Variants in CD27 observed in about 807,000 individuals in gnomAD.
CD27 encodes CD27 antigen.
CD27 carries 16 observed loss-of-function variants against 25.9 expected under a neutral mutation model. That is an observed-to-expected ratio of 0.62 (90% CI 0.42 to 0.94). The LOEUF is 0.94. CD27 is among the 40% of genes least tolerant of loss of function. The pLI is 0.00. For synonymous variants in CD27, 142 were observed against 124.3 expected (o/e 1.14, Z -0.95); for missense variants, 300 against 333.2 (o/e 0.90, Z 0.78).
In CD27 at chr12:6,450,253, T is replaced by C. The variant is rs200353714; in HGVS notation, c.349T>C (p.Cys117Arg). The change falls in exon 3 of 6, where the codon TGC (cysteine) becomes CGC (arginine). Residue 117 changes from cysteine (C) to arginine (R), a missense_variant. Physicochemically the swap from Cys to Arg is radical, Grantham distance 180 (BLOSUM62 -3). Transcript: ENST00000266557. The surrounding 1 kb of genome is among the most constrained non-coding windows in gnomAD (Gnocchi z 4.1). ...RNGWQCRDKE[C>R]TECDPLPNPS... The stretch of plus-strand genomic sequence containing the variant: ...TGGCTGGCAGTGCAGGGACAAGGAG[T>C]GCACCGAGTGTGATCCTCTTCCAAA... The C allele has an allele frequency of 1.2e-6, 2 of 1,613,772 alleles. No individual in the cohort carries two copies. Among genetic ancestry groups the C allele is most frequent in the Non-Finnish European group, 1.7e-6 (2 of 1,179,962 alleles).
rs1156655592 is a variant in CD27 at position 6,445,769 on chromosome 12, A to G, written c.268+214A>G. ...ACATCTAGTATTCCAGGAAAGGGAT[A>G]AATAGAATTTGAGGGATTGGTGAGA... On this transcript the variant is annotated intron_variant, in intron 2 of 5. Transcript: ENST00000266557. This position sits in a 1 kb window ranked among gnomAD's most constrained non-coding sequence, Gnocchi z 4.5. Among the ~76,000 whole-genome samples, 1 of 152,112 alleles carries G rather than the reference A, an allele frequency of 6.6e-6. No homozygotes were observed. Among genetic ancestry groups the G allele is most frequent in the Admixed American group, 6.6e-5 (1 of 15,250 alleles).
chr12:6,451,239 G>A, intron 5 of CD27, 29 bp from the exon 6 acceptor site: 1 of 1,611,478 alleles, frequency 6.2e-7, no homozygotes, highest in Non-Finnish European at 8.5e-7. Flanking sequence ...CCCACTGCTG[G>A]CCAAGACTCA....
chr12:6,449,114 G>C (rs886503152), intron 2 of CD27, among the ~76,000 whole-genome samples: 1 of 149,762 alleles, frequency 6.7e-6, no homozygotes, highest in Non-Finnish European at 1.5e-5. Flanking sequence ...TCCCACCTCA[G>C]CCTCCCCAGT....
chr12:6,451,127 C>G, intron 5 of CD27, 113 bp downstream of exon 5: 1 of 1,555,092 alleles, frequency 6.4e-7, no homozygotes, highest in South Asian at 1.2e-5. Flanking sequence ...ACTTCACCAG[C>G]CTTGGTCCTA....
At chr12:6,443,999 G>T (rs1306861046), upstream of CD27, among the ~76,000 whole-genome samples, 1 of 152,160 alleles carries the variant, frequency 6.6e-6, no homozygotes, top group East Asian at 1.9e-4. Flanking sequence ...CTTGCTGGGA[G>T]AACTGGGAAA....
At chr12:6,449,321 T>TTTA (rs1949475774) in intron 2 of CD27, among the ~76,000 whole-genome samples, 1 of 147,248 alleles carries the variant, frequency 6.8e-6, no homozygotes, top group Admixed American at 6.7e-5. Context: ...TTTTCTTTTT[T>TTTA]TTTTTTTTTT....
In CD27 at chr12:6,451,620, C is replaced by A; in HGVS notation, c.*228C>A. 1 of 504,498 alleles carries A rather than the reference C, an allele frequency of 2.0e-6. No homozygotes were observed. The highest frequency in any genetic ancestry group is 3.5e-6 in the Non-Finnish European group (1 of 286,208). 31.3% of individuals were successfully genotyped at this position (504,498 alleles called of 1,614,324 possible). A position where few individuals can be genotyped will look rare whatever the true frequency, so the allele number is the denominator to read the frequency against. On this transcript the variant is annotated 3_prime_UTR_variant, in exon 6 of 6. Transcript: ENST00000266557. ...AGCCCAGCCAGCTGCGCCTGCGCTGCAGGAGGGCGGGGGCTCTGGTTGTAA... is the reference window on the plus strand; with the variant it reads ...AGCCCAGCCAGCTGCGCCTGCGCTGAAGGAGGGCGGGGGCTCTGGTTGTAA...
Position 6,450,989 on chromosome 12 carries a change from C to T in CD27, c.633C>T (p.Leu211=), listed in dbSNP as rs752363527. The T allele has an allele frequency of 3.1e-6, 5 of 1,614,088 alleles. No individual in the cohort carries two copies. Among genetic ancestry groups the T allele is most frequent in the Non-Finnish European group, 8.5e-7 (1 of 1,179,976 alleles). The change falls in exon 5 of 6, where the codon CTC becomes CTT. Residue 211 remains leucine (L), a synonymous_variant. Coordinates refer to ENST00000266557, the MANE Select transcript of CD27 (RefSeq NM_001242.5). The surrounding 1 kb of genome is among the most constrained non-coding windows in gnomAD (Gnocchi z 4.1). ...LVFTLAGALF[L]HQRRKYRSNK... is the part of the protein sequence containing the mutation. ...TCACCCTGGCCGGGGCCCTGTTCCT[C>T]CATCAACGAAGGAAATATAGATCAA...
chr12:6,450,825 A>G lies in CD27; in HGVS notation c.539-70A>G. 2 of 1,599,682 alleles carry G rather than the reference A, an allele frequency of 1.3e-6. No individual in the cohort carries two copies. Among genetic ancestry groups the G allele is most frequent in the Non-Finnish European group, 1.7e-6 (2 of 1,169,396 alleles). ...GGGGAAAGGGGAGAGGCAAGGTGAC[A>G]GGAGGGCTGGGCTGAGGGAGCCAAG... On this transcript the variant is annotated intron_variant, in intron 4 of 5. Transcript: ENST00000266557. The surrounding 1 kb of genome is among the most constrained non-coding windows in gnomAD (Gnocchi z 4.1).
Position 6,450,529 on chromosome 12 carries a change from CTG to C in CD27, c.449-10_449-9del, listed in dbSNP as rs774666974. On this transcript the variant is annotated splice_polypyrimidine_tract_variant and intron_variant, in intron 3 of 5. Coordinates refer to ENST00000266557, the MANE Select transcript of CD27 (RefSeq NM_001242.5). This position sits in a 1 kb window ranked among gnomAD's most constrained non-coding sequence, Gnocchi z 4.1. The stretch of plus-strand genomic sequence containing the variant: ...TCCCCTGCTGCTACTCATTCTGTCT[CTG>C]TTTTTCCAGAGATGCTGGAGGCCAG... 1.9e-6 allele frequency: 3 copies of C among 1,612,682 alleles called. No individual in the cohort carries two copies. The highest frequency in any genetic ancestry group is 2.5e-6 in the Non-Finnish European group (3 of 1,179,402).
At position 6,451,404 on chromosome 12, in the gene CD27, C is replaced by T; in HGVS notation, c.*12C>T. ...CCTGCTCCCCCTGAGCCAGCACCTG[C>T]GGGAGCTGCACTACAGCCCTGGCCT... On this transcript the variant is annotated 3_prime_UTR_variant, in exon 6 of 6. Coordinates refer to ENST00000266557, the MANE Select transcript of CD27 (RefSeq NM_001242.5). 1.2e-6 allele frequency: 2 copies of T among 1,611,224 alleles called. No individual in the cohort carries two copies. The highest frequency in any genetic ancestry group is 1.3e-5 in the African/African-American group (1 of 74,992).
chr12:6,451,333 G>A lies in CD27; in HGVS notation c.724G>A (p.Gly242Ser), dbSNP rs1226802338. 1.2e-5 allele frequency: 20 copies of A among 1,613,900 alleles called. No homozygotes were observed. The highest frequency in any genetic ancestry group is 1.7e-4 in the Middle Eastern group (1 of 6,046). ...CHYSCPREEEGSTIPIQEDYR... is the reference protein window; with the variant it reads ...CHYSCPREEESSTIPIQEDYR... The stretch of plus-strand genomic sequence containing the variant: ...TTACAGCTGCCCCAGGGAGGAGGAG[G>A]GCAGCACCATCCCCATCCAGGAGGA... Residue 242 changes from glycine (G) to serine (S), a missense_variant, in exon 6 of 6, where the codon GGC becomes AGC. By Grantham distance (56) the Gly-to-Ser change is moderately conservative. Coordinates refer to ENST00000266557, the MANE Select transcript of CD27 (RefSeq NM_001242.5).
rs1433505985 is a variant in CD27 at position 6,450,312 on chromosome 12, G to C, written c.408G>C (p.Leu136=). Residue 136 remains leucine (L), a synonymous_variant, in exon 3 of 6, where the codon CTG becomes CTC. Transcript: ENST00000266557. This position sits in a 1 kb window ranked among gnomAD's most constrained non-coding sequence, Gnocchi z 4.1. ...TGACCGCTCGGTCGTCTCAGGCCCT[G>C]AGCCCACACCCTCAGCCCACCCACT... ...PSLTARSSQA[L]SPHPQPTHLP... 1 of 1,613,444 alleles carries C rather than the reference G, an allele frequency of 6.2e-7. No homozygotes were observed. Among genetic ancestry groups the C allele is most frequent in the Non-Finnish European group, 8.5e-7 (1 of 1,180,004 alleles).
intron 2 of CD27, among the ~76,000 whole-genome samples, chr12:6,449,515 G>A (rs1032695354): frequency 2.6e-5 from 4 of 151,914 alleles, no homozygotes; most frequent in Admixed American, 6.6e-5. Flanking sequence ...ACAATCATGC[G>A]TGCCTCTCTG....
rs750991471 is a variant in CD27 at position 6,450,881 on chromosome 12, C to T, written c.539-14C>T. ...GACCCTCCCCTAACCCCTGTGTGTC[C>T]CCTCCTATTACAGCCCAAAGATCCC... On this transcript the variant is annotated splice_polypyrimidine_tract_variant and intron_variant, in intron 4 of 5. Transcript: ENST00000266557. This position sits in a 1 kb window ranked among gnomAD's most constrained non-coding sequence, Gnocchi z 4.1. The T allele has an allele frequency of 6.2e-7, 1 of 1,614,080 alleles. No individual in the cohort carries two copies. Among genetic ancestry groups the T allele is most frequent in the East Asian group, 2.2e-5 (1 of 44,882 alleles).
intron 2 of CD27, among the ~76,000 whole-genome samples, chr12:6,449,561 T>C (rs1353017088): frequency 6.6e-6 from 1 of 152,130 alleles, no homozygotes; most frequent in East Asian, 1.9e-4. Context: ...GTTATTAAAG[T>C]ATTGGGGCCG....
Position 6,450,905 on chromosome 12 carries a change from C to G in CD27, c.549C>G (p.Ser183=). The G allele has an allele frequency of 9.3e-6, 15 of 1,614,160 alleles. No individual in the cohort carries two copies. The highest frequency in any genetic ancestry group is 1.1e-5 in the Non-Finnish European group (13 of 1,180,002). The change falls in exon 5 of 6, where the codon TCC becomes TCG. Residue 183 remains serine, a synonymous_variant. Transcript: ENST00000266557. This position sits in a 1 kb window ranked among gnomAD's most constrained non-coding sequence, Gnocchi z 4.1. ...CCCCTCCTATTACAGCCCAAAGATC[C>G]CTGTGCAGCTCCGATTTTATTCGCA... ...TLSTHWPPQR[S]LCSSDFIRIL...
At chr12:6,446,050 C>CA (rs60365296) in intron 2 of CD27, among the ~76,000 whole-genome samples, 19 of 149,662 alleles carry the variant, frequency 1.3e-4, no homozygotes, top group African/African-American at 2.7e-4. Flanking sequence ...TTTATAGTTC[C>CA]AAAAAAAAAG....
chr12:6,444,876 C>T (rs1239504867), upstream of CD27: 4 of 531,266 alleles, frequency 7.5e-6, no homozygotes, highest in Non-Finnish European at 1.3e-5. Context: ...TAATACTCTC[C>T]CCAGCACACG....
Sources: allele counts gnomAD v4.1 joint callset (sites outside exome capture counted in the v4.1 genomes callset), GRCh38; gene constraint gnomAD v4.1.1; non-coding constraint Gnocchi (gnomAD v3.1); transcripts MANE v1.5; gene names NCBI Gene and HGNC (gene_info 2026-07-23, HGNC 2026-07-21).